The following ANKRD45 variants were observed in gnomAD, a reference collection of about 807,000 sequenced individuals.
The protein encoded by ANKRD45 is ankyrin repeat domain-containing protein 45.
A neutral mutation model predicts 28.1 loss-of-function variants in ANKRD45; 21 were observed. The observed-to-expected ratio is 0.75, with a 90% CI of 0.53 to 1.08. The LOEUF (loss-of-function observed/expected upper bound fraction) is 1.08, where lower values mean the gene tolerates loss of function less well. Among genes scored for constraint, ANKRD45 ranks in the 50% least tolerant of loss-of-function variants. The pLI, the probability that ANKRD45 is intolerant of heterozygous loss-of-function variation, is 0.00. For missense variants in ANKRD45, 261 were observed against 308.7 expected, an observed-to-expected ratio of 0.85 and a Z score of 1.16; for synonymous variants, 86 against 103.9, an observed-to-expected ratio of 0.83 and a Z score of 1.05.
upstream of ANKRD45, among the ~76,000 whole-genome samples, chr1:173,674,441 T>C (rs1013225942): frequency 2.6e-5 from 4 of 152,072 alleles, no homozygotes; most frequent in Non-Finnish European, 5.9e-5. Flanking sequence ...TTTGCCAAAG[T>C]TGAGGATGCA....
chr1:173,646,355 C>A (rs1235533351), intron 3 of ANKRD45, among the ~76,000 whole-genome samples: 2 of 152,154 alleles, frequency 1.3e-5, no homozygotes, highest in African/African-American at 4.8e-5. Context: ...CCCAGAAGTT[C>A]CCCATGCCGT....
chr1:173,631,093 T>A (rs1291407822), intron 3 of ANKRD45, among the ~76,000 whole-genome samples: 1 of 151,894 alleles, frequency 6.6e-6, no homozygotes, highest in African/African-American at 2.4e-5. Flanking sequence ...ACTTCACCTG[T>A]AAAGACACAC....
At chr1:173,680,788 T>C in the ANKRD45 span, among the ~76,000 whole-genome samples, 1 of 150,478 alleles carries the variant, frequency 6.6e-6, no homozygotes, top group African/African-American at 2.4e-5. Flanking sequence ...TATGCAGCCA[T>C]AAAAAAAGGA....
At chr1:173,665,914 G>A (rs549717924) in intron 1 of ANKRD45, among the ~76,000 whole-genome samples, 9 of 152,058 alleles carry the variant, frequency 5.9e-5, no homozygotes, top group Non-Finnish European at 1.0e-4. Flanking sequence ...CTTGGGAGGT[G>A]GAGGTGAGAG....
At chr1:173,678,330 G>A in the ANKRD45 span, among the ~76,000 whole-genome samples, 532 of 152,228 alleles carry the variant, frequency 3.5e-3, 4 homozygotes, top group African/African-American at 0.012. Flanking sequence ...TACTGGCAAA[G>A]CGAATGAAGC....
At chr1:173,626,700 T>C (rs1335713799) in intron 4 of ANKRD45, among the ~76,000 whole-genome samples, 4 of 152,062 alleles carry the variant, frequency 2.6e-5, no homozygotes, top group South Asian at 2.1e-4. Context: ...TACTCCCATA[T>C]GTAGGCATCC....
At chr1:173,630,322 CTA>C (rs1175678087) in intron 3 of ANKRD45, among the ~76,000 whole-genome samples, 1 of 151,998 alleles carries the variant, frequency 6.6e-6, no homozygotes, top group Non-Finnish European at 1.5e-5. Context: ...AATAGAAAGA[CTA>C]AAAGATTAAT....
At chr1:173,614,811 G>GTTTTATTTTA (rs199692573) in intron 5 of ANKRD45, among the ~76,000 whole-genome samples, 1 of 151,594 alleles carries the variant, frequency 6.6e-6, no homozygotes, top group African/African-American at 2.4e-5. Flanking sequence ...GGATTTTGTT[G>GTTTTATTTTA]TTTTATTTTA....
intron 2 of ANKRD45, among the ~76,000 whole-genome samples, chr1:173,656,291 T>C (rs868301040): frequency 4.7e-4 from 72 of 152,364 alleles, no homozygotes; most frequent in African/African-American, 1.7e-3. Context: ...AGTTTCTTTA[T>C]CATTTTGTTA....
At chr1:173,630,011 A>C (rs1170364219) in intron 3 of ANKRD45, among the ~76,000 whole-genome samples, 1 of 152,230 alleles carries the variant, frequency 6.6e-6, no homozygotes, top group Non-Finnish European at 1.5e-5. Context: ...GTGGCATGAC[A>C]TATTTAAAGT....
chr1:173,620,285 G>A (rs979203063), intron 5 of ANKRD45, among the ~76,000 whole-genome samples: 7 of 152,236 alleles, frequency 4.6e-5, no homozygotes, highest in African/African-American at 1.4e-4. Flanking sequence ...ATTAGAATTC[G>A]ATGCTAAGAA....
intron 5 of ANKRD45, among the ~76,000 whole-genome samples, chr1:173,611,620 CAA>C (rs1491239901): frequency 3.5e-5 from 3 of 84,556 alleles, no homozygotes; most frequent in Non-Finnish European, 7.7e-5. Context: ...CACACACACA[CAA>C]TAAAAATATA....
At chr1:173,677,855 C>T in the ANKRD45 span, among the ~76,000 whole-genome samples, 7 of 151,976 alleles carry the variant, frequency 4.6e-5, no homozygotes, top group African/African-American at 1.2e-4. Flanking sequence ...TTCAATAAGA[C>T]GTAAAATCTG....
At chr1:173,655,780 C>T (rs1462777747) in intron 2 of ANKRD45, among the ~76,000 whole-genome samples, 1 of 152,236 alleles carries the variant, frequency 6.6e-6, no homozygotes, top group East Asian at 1.9e-4. Context: ...TCCCTGGCTG[C>T]TTTGTTTACC....
chr1:173,634,545 T>TA (rs766330304), intron 3 of ANKRD45, among the ~76,000 whole-genome samples: 1 of 151,940 alleles, frequency 6.6e-6, no homozygotes, highest in Non-Finnish European at 1.5e-5. Context: ...CTGCCACCTA[T>TA]AAAAATTCTA....
chr1:173,703,329 G>A, the ANKRD45 span, among the ~76,000 whole-genome samples: 10 of 151,214 alleles, frequency 6.6e-5, 1 homozygote, highest in East Asian at 2.0e-4. Flanking sequence ...TCAGCCTCCC[G>A]AGTAGCTGGG....
chr1:173,686,757 A>G, the ANKRD45 span, among the ~76,000 whole-genome samples: 2 of 152,224 alleles, frequency 1.3e-5, no homozygotes, highest in Non-Finnish European at 2.9e-5. Context: ...TAGACCAAAG[A>G]AAGCCAAATG....
chr1:173,665,082 T>C (rs1669951373), intron 1 of ANKRD45, among the ~76,000 whole-genome samples: 1 of 152,168 alleles, frequency 6.6e-6, no homozygotes, highest in Non-Finnish European at 1.5e-5. Context: ...TCATCATTAT[T>C]AGGTCATCAT....
the ANKRD45 span, among the ~76,000 whole-genome samples, chr1:173,700,051 C>T: frequency 3.7e-4 from 57 of 152,180 alleles, no homozygotes; most frequent in South Asian, 5.2e-3. Flanking sequence ...AGCCAAATCA[C>T]GTGTGACTTC....
Sources: allele counts gnomAD v4.1 joint callset (sites outside exome capture counted in the v4.1 genomes callset), GRCh38; gene constraint gnomAD v4.1.1; transcripts MANE v1.5; gene names NCBI Gene and HGNC (gene_info 2026-07-23, HGNC 2026-07-21).